The following NEDD9 variants were observed in gnomAD, a reference collection of about 807,000 sequenced individuals.
The protein encoded by NEDD9 is neural precursor cell expressed, developmentally down-regulated 9, also known as enhancer of filamentation 1.
NEDD9 carries 26 observed loss-of-function variants against 76.6 expected under a neutral mutation model. The observed-to-expected ratio is 0.34, with a 90% CI of 0.25 to 0.47. The LOEUF (loss-of-function observed/expected upper bound fraction) is 0.47, where lower values mean the gene tolerates loss of function less well. NEDD9 is among the 20% of genes least tolerant of loss of function. The pLI, the probability that NEDD9 is intolerant of heterozygous loss-of-function variation, is 1.00. For missense variants in NEDD9, 937 were observed against 1,058.5 expected (o/e 0.89, Z 1.59); for synonymous variants, 392 against 414.2 (o/e 0.95, Z 0.65).
chr6:11,326,749 T>A (rs1761936875), intron 2 of NEDD9, among the ~76,000 whole-genome samples: 1 of 152,194 alleles, frequency 6.6e-6, no homozygotes, highest in South Asian at 2.1e-4. Context: ...TGGGCTTGCC[T>A]GGGGCCCAGC....
At chr6:11,282,307 C>T (rs1162221034) in intron 3 of NEDD9, among the ~76,000 whole-genome samples, 1 of 152,210 alleles carries the variant, frequency 6.6e-6, no homozygotes, top group Non-Finnish European at 1.5e-5. Flanking sequence ...GATACTCCTC[C>T]GACAACCCTG....
At chr6:11,245,374 T>C (rs1242314282) in intron 3 of NEDD9, among the ~76,000 whole-genome samples, 8 of 152,240 alleles carry the variant, frequency 5.3e-5, no homozygotes, top group Admixed American at 5.2e-4. Flanking sequence ...ATTTTCACTA[T>C]TATGTGTGTG....
chr6:11,228,509 G>A (rs1393310151), intron 1 of NEDD9, among the ~76,000 whole-genome samples: 4 of 151,922 alleles, frequency 2.6e-5, no homozygotes, highest in Admixed American at 2.0e-4. Context: ...CAGCCTGGGC[G>A]ACAGAGTGAG....
chr6:11,381,039 T>C (rs1475558733), intron 1 of NEDD9, among the ~76,000 whole-genome samples: 1 of 152,180 alleles, frequency 6.6e-6, no homozygotes. Context: ...ACTAACCGAT[T>C]AACAAGAAAT....
chr6:11,369,128 A>G (rs553272262), intron 1 of NEDD9, among the ~76,000 whole-genome samples: 1 of 152,154 alleles, frequency 6.6e-6, no homozygotes, highest in Non-Finnish European at 1.5e-5. Context: ...AAGCACTCCA[A>G]CCTTCTTGAA....
At chr6:11,322,952 T>G (rs1390687717) in intron 2 of NEDD9, among the ~76,000 whole-genome samples, 1 of 152,260 alleles carries the variant, frequency 6.6e-6, no homozygotes, top group Non-Finnish European at 1.5e-5. Context: ...GGCAAGTTAC[T>G]TATTAATTCC....
chr6:11,268,731 AC>A (rs1760247729), intron 3 of NEDD9, among the ~76,000 whole-genome samples: 3 of 129,778 alleles, frequency 2.3e-5, no homozygotes, highest in Middle Eastern at 4.9e-3. Context: ...TCCATCACAC[AC>A]ACACACACAC....
intron 3 of NEDD9, among the ~76,000 whole-genome samples, chr6:11,279,964 A>G (rs1561814921): frequency 6.6e-6 from 1 of 152,218 alleles, no homozygotes; most frequent in Non-Finnish European, 1.5e-5. Flanking sequence ...AAGGTCTTGC[A>G]GCTACAGCCT....
chr6:11,326,862 C>G (rs933007886), intron 2 of NEDD9, among the ~76,000 whole-genome samples: 1 of 152,174 alleles, frequency 6.6e-6, no homozygotes, highest in Non-Finnish European at 1.5e-5. Flanking sequence ...GTCGCCCAAA[C>G]TTTGAGGATG....
At chr6:11,368,573 C>G (rs1476058392) in intron 1 of NEDD9, among the ~76,000 whole-genome samples, 1 of 152,228 alleles carries the variant, frequency 6.6e-6, no homozygotes, top group African/African-American at 2.4e-5. Flanking sequence ...GACTGACACA[C>G]AGAAGGGTCT....
upstream of NEDD9, among the ~76,000 whole-genome samples, chr6:11,236,189 G>C (rs910724898): frequency 6.6e-6 from 1 of 152,100 alleles, no homozygotes; most frequent in African/African-American, 2.4e-5. This position sits in a 1 kb window ranked among gnomAD's most constrained non-coding sequence, Gnocchi z 5.5. Context: ...AGCAGCCCTA[G>C]GATTCCCATA....
At chr6:11,357,973 C>T (rs934355320) in intron 1 of NEDD9, among the ~76,000 whole-genome samples, 2 of 151,948 alleles carry the variant, frequency 1.3e-5, no homozygotes, top group South Asian at 2.1e-4. Flanking sequence ...GCTATGGGGC[C>T]GCATGGTGGC....
rs1561847681 is a variant in NEDD9 at position 11,361,647 on chromosome 6, A to G, written c.-214+20492T>C. Reference sequence around the variant, plus strand: ...GATTTTTGGGTGGGGACAAAAACCTAAACTATATCATCCCTATTCACAGCA... The same window carrying G: ...GATTTTTGGGTGGGGACAAAAACCTGAACTATATCATCCCTATTCACAGCA... On this transcript the variant is annotated intron_variant, in intron 1 of 3. Coordinates refer to the NEDD9 transcript ENST00000397378. Among the ~76,000 whole-genome samples the G allele has an allele frequency of 2.0e-5, 3 of 152,228 alleles. No individual in the cohort carries two copies. In the South Asian group the frequency reaches 6.2e-4, roughly 32 times the overall value.
chr6:11,367,228 A>G (rs1762785678), intron 1 of NEDD9, among the ~76,000 whole-genome samples: 4 of 152,238 alleles, frequency 2.6e-5, no homozygotes, highest in Admixed American at 2.0e-4. Flanking sequence ...GCATCAATTA[A>G]GATTTAGGTC....
At chr6:11,299,945 C>A (rs762559038) in intron 3 of NEDD9, among the ~76,000 whole-genome samples, 2 of 152,132 alleles carry the variant, frequency 1.3e-5, no homozygotes, top group South Asian at 2.1e-4. Context: ...AAACAGAGTG[C>A]CTCTTCTCCT....
chr6:11,185,738 C>T (rs1473644285), intron 6 of NEDD9, 67 bp from the exon 7 acceptor site: 5 of 1,567,044 alleles, frequency 3.2e-6, no homozygotes, highest in East Asian at 4.5e-5. Context: ...ATTCACTAGG[C>T]CTTGGAGTTA....
chr6:11,290,503 GC>G (rs1413011204), intron 3 of NEDD9, among the ~76,000 whole-genome samples: 1 of 152,114 alleles, frequency 6.6e-6, no homozygotes, highest in Admixed American at 6.5e-5. Flanking sequence ...TTGGCTACTG[GC>G]ACTTGCTCCT....
At chr6:11,334,750 T>C (rs542491788) in intron 1 of NEDD9, among the ~76,000 whole-genome samples, 156 of 152,290 alleles carry the variant, frequency 1.0e-3, no homozygotes, top group Non-Finnish European at 1.9e-3. Context: ...TTTTAGACTA[T>C]GGAAATGATG....
intron 2 of NEDD9, among the ~76,000 whole-genome samples, chr6:11,316,205 C>T (rs2064111): frequency 0.46 from 70,440 of 152,040 alleles, 16,952 homozygotes; most frequent in East Asian, 0.77. Flanking sequence ...TTCATCTCTA[C>T]GCAGACCTTT....
Sources: gnomAD v4.1 joint callset for allele counts (sites outside exome capture counted in the v4.1 genomes callset) on GRCh38, gnomAD v4.1.1 for gene constraint, Gnocchi (gnomAD v3.1) non-coding constraint, MANE v1.5 for transcripts, NCBI Gene and HGNC (gene_info 2026-07-23, HGNC 2026-07-21) for gene names.